R3HCC1L: variants seen among roughly 807,000 people sequenced by gnomAD.
R3HCC1L encodes R3H domain and coiled-coil containing 1 like, also known as coiled-coil domain-containing protein R3HCC1L.
R3HCC1L carries 51 observed loss-of-function variants against 59.9 expected under a neutral mutation model. That is an observed-to-expected ratio of 0.85 (90% CI 0.68 to 1.07). The LOEUF is 1.07. Among genes scored for constraint, R3HCC1L ranks in the 50% least tolerant of loss-of-function variants. The pLI is 0.00. For missense variants in R3HCC1L, 965 were observed against 933.0 expected, an observed-to-expected ratio of 1.03 and a Z score of -0.45; for synonymous variants, 322 against 315.2, an observed-to-expected ratio of 1.02 and a Z score of -0.23.
intron 1 of R3HCC1L, among the ~76,000 whole-genome samples, chr10:98,146,208 T>G (rs2133935800): frequency 6.6e-6 from 1 of 152,244 alleles, no homozygotes; most frequent in South Asian, 2.1e-4. Context: ...GACAAATAAT[T>G]TGCATACTAT....
intron 4 of R3HCC1L, among the ~76,000 whole-genome samples, chr10:98,189,261 G>C (rs944021525): frequency 6.6e-6 from 1 of 152,154 alleles, no homozygotes; most frequent in African/African-American, 2.4e-5. Context: ...AAAAAATAGT[G>C]ATCTGGAGGT....
intron 1 of R3HCC1L, among the ~76,000 whole-genome samples, chr10:98,147,869 T>C (rs1845806813): frequency 1.3e-5 from 2 of 152,214 alleles, no homozygotes; most frequent in South Asian, 4.1e-4. Context: ...TTCTTTTTGC[T>C]CAGGATTGCT....
intron 1 of R3HCC1L, among the ~76,000 whole-genome samples, chr10:98,153,022 C>T (rs1188415948): frequency 1.3e-5 from 2 of 150,826 alleles, no homozygotes; most frequent in African/African-American, 4.9e-5. Flanking sequence ...GCCGCCGCCC[C>T]GTCCGGGAGG....
intron 1 of R3HCC1L, among the ~76,000 whole-genome samples, chr10:98,147,573 AT>A (rs1416931057): frequency 2.0e-5 from 3 of 151,976 alleles, no homozygotes; most frequent in Non-Finnish European, 4.4e-5. Context: ...ATCCATTTTG[AT>A]TTGATTTTTG....
chr10:98,204,687 T>C (rs1852435970), intron 4 of R3HCC1L, among the ~76,000 whole-genome samples: 1 of 152,216 alleles, frequency 6.6e-6, no homozygotes. Context: ...CATACTATAA[T>C]ATACTTTGAG....
At chr10:98,151,971 G>T (rs370745120) in intron 1 of R3HCC1L, among the ~76,000 whole-genome samples, 11 of 151,652 alleles carry the variant, frequency 7.3e-5, no homozygotes, top group African/African-American at 2.2e-4. Context: ...GGTCTCCCTC[G>T]CCCTCTTTCC....
intron 1 of R3HCC1L, among the ~76,000 whole-genome samples, chr10:98,138,635 G>A (rs900342967): frequency 6.6e-6 from 1 of 152,194 alleles, no homozygotes; most frequent in Non-Finnish European, 1.5e-5. Context: ...AGTATGTATA[G>A]TGGATGCTCA....
At chr10:98,173,453 G>A (rs889422199) in intron 4 of R3HCC1L, among the ~76,000 whole-genome samples, 8 of 152,128 alleles carry the variant, frequency 5.3e-5, no homozygotes, top group African/African-American at 9.7e-5. Context: ...CTAATGTACC[G>A]GAGATGCTTC....
At chr10:98,138,151 G>A (rs1300495731) in intron 1 of R3HCC1L, among the ~76,000 whole-genome samples, 3 of 152,210 alleles carry the variant, frequency 2.0e-5, no homozygotes, top group African/African-American at 7.2e-5. Context: ...CTTCCTTCAA[G>A]TGCCATGTTG....
chr10:98,183,297 C>A (rs1490456937), intron 4 of R3HCC1L, among the ~76,000 whole-genome samples: 1 of 147,376 alleles, frequency 6.8e-6, no homozygotes, highest in African/African-American at 2.5e-5. Context: ...TTCAAAATTT[C>A]TGAAAGTTCT....
At chr10:98,230,781 G>C (rs1856281661) in intron 5 of R3HCC1L, among the ~76,000 whole-genome samples, 1 of 152,210 alleles carries the variant, frequency 6.6e-6, no homozygotes, top group Non-Finnish European at 1.5e-5. Context: ...CAGAATGACT[G>C]TCATGGCTTT....
At position 98,208,572 on chromosome 10, in the gene R3HCC1L, C is replaced by T. The variant is rs372453818; in HGVS notation, c.458C>T (p.Thr153Met). Residue 153 changes from threonine (T) to methionine (M), a missense_variant, in exon 5 of 10, where the codon ACG becomes ATG. Thr to Met is a moderately conservative substitution (Grantham distance 81, BLOSUM62 -1). Coordinates refer to ENST00000298999, the MANE Select transcript of R3HCC1L (RefSeq NM_001351015.2). ...GTGGAGTGTTTGGAAGTTGAAACTA[C>T]GGATGTGACAGGACATGAGAGGATA... ...KKVECLEVETTDVTGHERILL... is the reference protein window; with the variant it reads ...KKVECLEVETMDVTGHERILL... 2.0e-5 allele frequency: 32 copies of T among 1,613,940 alleles called. No individual in the cohort carries two copies. The highest frequency in any genetic ancestry group is 6.7e-5 in the Admixed American group (4 of 59,990).
At chr10:98,218,932 T>A (rs1854545069) in intron 5 of R3HCC1L, among the ~76,000 whole-genome samples, 1 of 152,208 alleles carries the variant, frequency 6.6e-6, no homozygotes, top group Non-Finnish European at 1.5e-5. Flanking sequence ...TTTGTTTCTT[T>A]TTTTTTGGAA....
intron 7 of R3HCC1L, among the ~76,000 whole-genome samples, chr10:98,235,181 T>A (rs2095863693): frequency 6.6e-6 from 1 of 152,184 alleles, no homozygotes; most frequent in African/African-American, 2.4e-5. Flanking sequence ...TCTGCTTCAG[T>A]AAAATAATAA....
chr10:98,136,292 T>C (rs1844578970), intron 1 of R3HCC1L, among the ~76,000 whole-genome samples: 1 of 152,188 alleles, frequency 6.6e-6, no homozygotes, highest in Non-Finnish European at 1.5e-5. Context: ...GTAAGTTGCA[T>C]TAGCTTAGTG....
chr10:98,198,904 A>G (rs978602700), intron 4 of R3HCC1L, among the ~76,000 whole-genome samples: 7 of 152,186 alleles, frequency 4.6e-5, no homozygotes, highest in African/African-American at 1.7e-4. Context: ...TGTGAACCAC[A>G]TATGTAATTC....
chr10:98,213,215 C>T (rs1026039359), intron 5 of R3HCC1L, among the ~76,000 whole-genome samples: 1 of 152,138 alleles, frequency 6.6e-6, no homozygotes, highest in African/African-American at 2.4e-5. Flanking sequence ...TAGTTGGTAG[C>T]CCATCACCTT....
In R3HCC1L at chr10:98,163,454, A is replaced by G. The variant is rs1275880832; in HGVS notation, c.-15+57A>G. The G allele has an allele frequency of 1.5e-5, 16 of 1,083,424 alleles. 1 individual carries two copies. The South Asian group carries it at 2.7e-4, about 18-fold the overall frequency. 67.1% of individuals were successfully genotyped at this position (1,083,424 alleles called of 1,614,324 possible). A position where few individuals can be genotyped will look rare whatever the true frequency, so the allele number is the denominator to read the frequency against. On this transcript the variant is annotated intron_variant, in intron 4 of 9. Coordinates refer to ENST00000298999, the MANE Select transcript of R3HCC1L (RefSeq NM_001351015.2). ...GAAATACTGTCTGTTTACTCTAAAG[A>G]TTTGTTTGCTTGTATTTTGTTTCTT...
At chr10:98,173,107 C>T (rs1446809378) in intron 4 of R3HCC1L, among the ~76,000 whole-genome samples, 1 of 152,118 alleles carries the variant, frequency 6.6e-6, no homozygotes, top group African/African-American at 2.4e-5. Context: ...TCTTTCTTCT[C>T]TCTTTGGTGG....
Sources: gnomAD v4.1 joint callset for allele counts (sites outside exome capture counted in the v4.1 genomes callset) on GRCh38, gnomAD v4.1.1 for gene constraint, MANE v1.5 for transcripts, NCBI Gene and HGNC (gene_info 2026-07-23, HGNC 2026-07-21) for gene names.